Variants in CLXN observed in about 807,000 individuals in gnomAD.
CLXN encodes calaxin, also known as EF-hand calcium binding domain 1.
the CLXN span, chr8:48,731,323 A>G: frequency 6.4e-7 from 1 of 1,565,830 alleles, no homozygotes; most frequent in South Asian, 1.2e-5. Flanking sequence ...GGATTTGGCT[A>G]ATTTGAATCT....
chr8:48,711,583 G>A, the CLXN span: 1 of 152,244 alleles, frequency 6.6e-6, no homozygotes, highest in South Asian at 2.1e-4. Flanking sequence ...GGTATGTTCA[G>A]ATGAGAAGAG....
the CLXN span, among the ~76,000 whole-genome samples, chr8:48,717,982 GTTA>G: frequency 2.4e-4 from 36 of 152,146 alleles, no homozygotes; most frequent in Non-Finnish European, 4.9e-4. Context: ...TAGGTACATA[GTTA>G]TTAATGGTTG....
the CLXN span, chr8:48,713,698 A>T: frequency 2.0e-5 from 3 of 152,136 alleles, no homozygotes; most frequent in Non-Finnish European, 4.4e-5. Flanking sequence ...CTTAGAATAC[A>T]TTAACCCTCA....
chr8:48,732,155 A>G, the CLXN span, among the ~76,000 whole-genome samples: 5 of 152,204 alleles, frequency 3.3e-5, no homozygotes, highest in African/African-American at 1.2e-4. Context: ...ACATTATTGT[A>G]TAAAGGACCA....
chr8:48,722,679 C>G, the CLXN span, among the ~76,000 whole-genome samples: 1 of 152,050 alleles, frequency 6.6e-6, no homozygotes, highest in African/African-American at 2.4e-5. Context: ...CCCTCTCTGT[C>G]CTGGCACCCA....
chr8:48,715,733 C>T, the CLXN span: 1 of 152,252 alleles, frequency 6.6e-6, no homozygotes, highest in Non-Finnish European at 1.5e-5. Flanking sequence ...CTGGTGCCTT[C>T]ACACCCACCA....
At chr8:48,726,559 G>A in the CLXN span, among the ~76,000 whole-genome samples, 243 of 112,444 alleles carry the variant, frequency 2.2e-3, no homozygotes, top group Middle Eastern at 8.6e-3. Flanking sequence ...CTACCTACCC[G>A]CACATTCACC....
the CLXN span, among the ~76,000 whole-genome samples, chr8:48,720,289 G>A: frequency 1.3e-5 from 2 of 152,172 alleles, no homozygotes; most frequent in Non-Finnish European, 2.9e-5. Flanking sequence ...CGGGCAAAAA[G>A]AGCCGTATTT....
the CLXN span, chr8:48,731,414 G>A: frequency 8.7e-6 from 14 of 1,612,912 alleles, no homozygotes; most frequent in Non-Finnish European, 1.2e-5. Context: ...AATGCATTAC[G>A]ATCCAGTCCA....
At chr8:48,716,771 GA>G in the CLXN span, among the ~76,000 whole-genome samples, 37 of 143,636 alleles carry the variant, frequency 2.6e-4, 1 homozygote, top group African/African-American at 5.1e-4. Context: ...GGAGAAAAAG[GA>G]AAAAAAAAAC....
chr8:48,718,215 T>TA, the CLXN span, among the ~76,000 whole-genome samples: 1 of 152,016 alleles, frequency 6.6e-6, no homozygotes, highest in Non-Finnish European at 1.5e-5. Context: ...AAGTATTAAG[T>TA]AAAAAATTAT....
chr8:48,724,399 C>A, the CLXN span: 1 of 169,414 alleles, frequency 5.9e-6, no homozygotes, highest in Non-Finnish European at 1.3e-5. Context: ...TTTTGACATG[C>A]AGAATATTTG....
chr8:48,716,837 C>G, the CLXN span, among the ~76,000 whole-genome samples: 3 of 151,564 alleles, frequency 2.0e-5, no homozygotes, highest in African/African-American at 7.3e-5. Flanking sequence ...TCAAGTGAAC[C>G]AATATATGCA....
chr8:48,732,180 G>A, the CLXN span, among the ~76,000 whole-genome samples: 118 of 152,216 alleles, frequency 7.8e-4, no homozygotes, highest in Non-Finnish European at 7.2e-4. Context: ...TATAAATACC[G>A]AGTTAATTAT....
the CLXN span, among the ~76,000 whole-genome samples, chr8:48,718,877 C>A: frequency 1.3e-5 from 2 of 151,900 alleles, no homozygotes; most frequent in South Asian, 4.2e-4. Context: ...AAAAACCTAA[C>A]TATACACCTC....
chr8:48,721,385 A>ATTG, the CLXN span, among the ~76,000 whole-genome samples: 1 of 124,070 alleles, frequency 8.1e-6, no homozygotes, highest in African/African-American at 6.1e-5. Flanking sequence ...ATACTACCCA[A>ATTG]AGTGATGTAC....
the CLXN span, chr8:48,735,225 C>G: frequency 3.8e-6 from 6 of 1,565,578 alleles, no homozygotes; most frequent in Admixed American, 1.0e-4. Flanking sequence ...GCGGGACCCC[C>G]GCGAGCCCTG....
At chr8:48,711,333 A>G in the CLXN span, 3 of 151,736 alleles carry the variant, frequency 2.0e-5, no homozygotes, top group Non-Finnish European at 4.4e-5. Context: ...CATTCTCCTC[A>G]CAAGCAGGTG....
chr8:48,718,814 A>G, the CLXN span, among the ~76,000 whole-genome samples: 1 of 152,154 alleles, frequency 6.6e-6, no homozygotes, highest in Non-Finnish European at 1.5e-5. Flanking sequence ...AGTATTGAGG[A>G]AAGTTTACAA....
Sources: allele counts gnomAD v4.1 joint callset (sites outside exome capture counted in the v4.1 genomes callset), GRCh38; gene constraint gnomAD v4.1.1; transcripts MANE v1.5; gene names NCBI Gene and HGNC (gene_info 2026-07-23, HGNC 2026-07-21).